The following ZFHX3 variants were observed in gnomAD, a reference collection of about 807,000 sequenced individuals.
ZFHX3 encodes zinc finger homeobox protein 3.
Under a neutral mutation model 279.1 loss-of-function variants are expected in ZFHX3, and 42 were observed. That is an observed-to-expected ratio of 0.15 (90% confidence interval 0.12 to 0.19). ZFHX3 has a LOEUF of 0.19. Among genes scored for constraint, ZFHX3 ranks in the 10% least tolerant of loss-of-function variants. The pLI is 1.00. For missense variants in ZFHX3, 4,981 were observed against 4,754.0 expected (o/e 1.05, Z -1.40); for synonymous variants, 2,293 against 1,957.8 (o/e 1.17, Z -4.52).
intron 2 of ZFHX3, among the ~76,000 whole-genome samples, chr16:73,657,413 G>A (rs1050271587): frequency 5.3e-5 from 8 of 152,190 alleles, no homozygotes; most frequent in East Asian, 1.9e-4. Context: ...AGCCAAGATC[G>A]CGCCATTGCA....
At chr16:73,039,054 TC>T (rs1294390527) in intron 1 of ZFHX3, among the ~76,000 whole-genome samples, 16 of 150,074 alleles carry the variant, frequency 1.1e-4, no homozygotes, top group Non-Finnish European at 2.2e-4. Context: ...GCTCAAGAGA[TC>T]CTCCTGCCTC....
chr16:73,593,449 G>T (rs1195853872), intron 2 of ZFHX3, among the ~76,000 whole-genome samples: 2 of 152,218 alleles, frequency 1.3e-5, no homozygotes, highest in Non-Finnish European at 2.9e-5. Flanking sequence ...TCCCAGAAAT[G>T]AAGAGTTTAT....
Position 72,959,243 on chromosome 16 carries a change from C to T in ZFHX3, c.903G>A (p.Ala301=), listed in dbSNP as rs761988890. The part of the protein sequence containing the change: ...FGYVRSFVTH[A]VHDHRMTLSE... ...TCAGGGTCATTCGATGGTCATGCAC[C>T]GCGTGGGTCACAAACGAACGGACGT... The change falls in exon 2 of 10, where the codon GCG becomes GCA. Residue 301 remains alanine (A), a synonymous_variant. Coordinates refer to ENST00000268489, the MANE Select transcript of ZFHX3 (RefSeq NM_006885.4). The T allele has an allele frequency of 6.2e-6, 10 of 1,614,154 alleles. No homozygotes were observed. Among genetic ancestry groups the T allele is most frequent in the East Asian group, 2.2e-5 (1 of 44,882 alleles).
rs1385410214 is a variant in ZFHX3, at chr16:72,794,064, T to C, written c.8618A>G (p.Glu2873Gly). The change falls in exon 9 of 10, where the codon GAA becomes GGA. Residue 2873 changes from glutamate (E) to glycine (G), a missense_variant. This residue lies in a region of ZFHX3 where 744 missense variants were observed against 701.3 expected (regional missense o/e 1.06). Coordinates refer to ENST00000268489, the MANE Select transcript of ZFHX3 (RefSeq NM_006885.4). This position sits in a 1 kb window ranked among gnomAD's most constrained non-coding sequence, Gnocchi z 4.2. ...CATCATGGCCGCTTTGGTCAACCCT[T>C]CGTTGGGTGCAGAAGAGGATTTGGT... ...TETKSSSAPN[E>G]GLTKAAMMAM... 1 of 1,614,222 alleles carries C rather than the reference T, an allele frequency of 6.2e-7. No homozygotes were observed. Among genetic ancestry groups the C allele is most frequent in the Non-Finnish European group, 8.5e-7 (1 of 1,180,038 alleles).
Position 72,793,564 on chromosome 16 carries a change from G to A in ZFHX3, c.9118C>T (p.Arg3040Cys), listed in dbSNP as rs750717662. The change falls in exon 9 of 10, where the codon CGT becomes TGT. Residue 3040 changes from arginine to cysteine, a missense_variant. Transcript: ENST00000268489. This position sits in a 1 kb window ranked among gnomAD's most constrained non-coding sequence, Gnocchi z 4.3. ...TGCTGTTGGGAAAAGATATGGTCAC[G>A]TACAGACAGCCGAGCGCTGTACTTG... ...GIKYSARLSV[R>C]DHIFSQQHIS... 3.7e-6 allele frequency: 6 copies of A among 1,614,066 alleles called. No individual in the cohort carries two copies. The highest frequency in any genetic ancestry group is 1.3e-5 in the African/African-American group (1 of 74,936).
At chr16:73,542,092 G>A (rs960041784) in intron 2 of ZFHX3, among the ~76,000 whole-genome samples, 5 of 151,894 alleles carry the variant, frequency 3.3e-5, no homozygotes, top group African/African-American at 4.8e-5. Context: ...GAGCAACCGC[G>A]CCCGGCCCTG....
chr16:72,805,822 G>T (rs1453348902), intron 7 of ZFHX3, among the ~76,000 whole-genome samples: 2 of 152,168 alleles, frequency 1.3e-5, no homozygotes, highest in Non-Finnish European at 2.9e-5. Flanking sequence ...CATATGCCAG[G>T]GAGAATACTG....
In ZFHX3 at chr16:73,880,268, G is replaced by A. The variant is rs191409878; in HGVS notation, c.-1608+11383C>T. 2.6e-5 allele frequency among the ~76,000 whole-genome samples: 4 copies of A among 152,232 alleles called. No individual in the cohort carries two copies. The East Asian group carries it at 7.7e-4, about 29-fold the overall frequency. ...CCGGCAGGCAGAGAGGTTTAGATGG[G>A]GGATGGGAGAGAGGGCTGCGGAGCT... is the stretch of plus-strand genomic sequence containing the variant. On this transcript the variant is annotated intron_variant, in intron 1 of 17. Coordinates refer to the ZFHX3 transcript ENST00000641206.
intron 5 of ZFHX3, among the ~76,000 whole-genome samples, chr16:72,818,037 C>T (rs1399170578): frequency 6.6e-6 from 1 of 152,134 alleles, no homozygotes; most frequent in Non-Finnish European, 1.5e-5. Context: ...GCCACCTGCC[C>T]CAGAAATTTA....
At chr16:73,336,833 C>A (rs1285714767) in intron 3 of ZFHX3, among the ~76,000 whole-genome samples, 7 of 152,138 alleles carry the variant, frequency 4.6e-5, no homozygotes, top group Non-Finnish European at 1.0e-4. Flanking sequence ...GGGTCATCAA[C>A]CCTTAGCCAA....
At chr16:73,127,074 G>T in intron 7 of ZFHX3, 1 of 250,654 alleles carries the variant, frequency 4.0e-6, no homozygotes, top group Non-Finnish European at 7.9e-6. Context: ...TCTAAGAGAC[G>T]GGGTGCAGGG....
At chr16:73,596,359 C>T (rs1427264423) in intron 2 of ZFHX3, among the ~76,000 whole-genome samples, 2 of 152,098 alleles carry the variant, frequency 1.3e-5, no homozygotes, top group African/African-American at 4.8e-5. Context: ...GCATAAGACT[C>T]CACATGGGAG....
intron 2 of ZFHX3, among the ~76,000 whole-genome samples, chr16:73,561,525 T>C (rs1288169350): frequency 6.6e-6 from 1 of 152,122 alleles, no homozygotes; most frequent in Non-Finnish European, 1.5e-5. Context: ...TGCTCCACCA[T>C]ATTTTGCCAC....
chr16:73,526,955 C>T (rs1449393707), intron 2 of ZFHX3, among the ~76,000 whole-genome samples: 2 of 151,758 alleles, frequency 1.3e-5, no homozygotes, highest in Non-Finnish European at 2.9e-5. Flanking sequence ...AGAATAAACT[C>T]CTAGAGAATT....
intron 1 of ZFHX3, among the ~76,000 whole-genome samples, chr16:73,007,576 A>T (rs1963756618): frequency 6.6e-6 from 1 of 152,072 alleles, no homozygotes; most frequent in South Asian, 2.1e-4. Context: ...CTTCCCGAGT[A>T]ACTGGGACTA....
intron 2 of ZFHX3, among the ~76,000 whole-genome samples, chr16:73,503,859 T>A (rs2019279137): frequency 6.6e-6 from 1 of 152,148 alleles, no homozygotes; most frequent in African/African-American, 2.4e-5. Context: ...AAATAAGAAA[T>A]CCTGAAGGAA....
intron 4 of ZFHX3, among the ~76,000 whole-genome samples, chr16:72,859,662 G>A (rs957379054): frequency 6.6e-6 from 1 of 152,184 alleles, no homozygotes; most frequent in East Asian, 1.9e-4. Context: ...GGCCCCACTG[G>A]AGTACAAGGA....
intron 4 of ZFHX3, among the ~76,000 whole-genome samples, chr16:73,297,571 T>G (rs553311315): frequency 6.6e-6 from 1 of 152,130 alleles, no homozygotes; most frequent in Non-Finnish European, 1.5e-5. Flanking sequence ...AGCCAAATCC[T>G]TCTATCCACA....
In ZFHX3 at chr16:72,958,354, C is replaced by T; in HGVS notation, c.1792G>A (p.Asp598Asn). 1 of 1,614,134 alleles carries T rather than the reference C, an allele frequency of 6.2e-7. No individual in the cohort carries two copies. Among genetic ancestry groups the T allele is most frequent in the South Asian group, 1.1e-5 (1 of 91,080 alleles). ...LDFADESANKDNATAPEPNES... is the reference protein window; with the variant it reads ...LDFADESANKNNATAPEPNES... Reference sequence around the variant, plus strand: ...TTTGGTTCTGGTGCTGTGGCATTGTCTTTATTGGCACTTTCGTCAGCGAAG... The same window carrying T: ...TTTGGTTCTGGTGCTGTGGCATTGTTTTTATTGGCACTTTCGTCAGCGAAG... The change falls in exon 2 of 10, where the codon GAC becomes AAC. Residue 598 changes from aspartate to asparagine, a missense_variant. Coordinates refer to ENST00000268489, the MANE Select transcript of ZFHX3 (RefSeq NM_006885.4).
Sources: gnomAD v4.1 joint callset for allele counts (sites outside exome capture counted in the v4.1 genomes callset) on GRCh38, gnomAD v4.1.1 for gene constraint, gnomAD v4.1.1 regional missense constraint, Gnocchi (gnomAD v3.1) non-coding constraint, MANE v1.5 for transcripts, NCBI Gene and HGNC (gene_info 2026-07-23, HGNC 2026-07-21) for gene names.